Variants in DNAH6 observed in about 807,000 individuals in gnomAD.
DNAH6 encodes axonemal beta dynein heavy chain 6.
In DNAH6, 340 loss-of-function variants were observed where a neutral mutation model predicts 491.4. That is an observed-to-expected ratio of 0.69 (90% CI 0.63 to 0.76). The LOEUF is 0.76. Ranked by LOEUF, DNAH6 falls within the 30% of genes least tolerant of loss-of-function variation. The probability of loss-of-function intolerance (pLI) is 0.00; values close to 1 mark genes in which losing one functional copy is unlikely to be tolerated. For synonymous variants in DNAH6, 1,603 were observed against 1,686.1 expected, an observed-to-expected ratio of 0.95 and a Z score of 1.21; for missense variants, 4,443 against 4,972.2, an observed-to-expected ratio of 0.89 and a Z score of 3.20.
Position 84,813,979 on chromosome 2 carries a change from C to CA in DNAH6, c.12011dup (p.Asn4004LysfsTer12). The CA allele has an allele frequency of 1.3e-6, 2 of 1,551,698 alleles. No homozygotes were observed. Among genetic ancestry groups the CA allele is most frequent in the Non-Finnish European group, 1.7e-6 (2 of 1,146,964 alleles). ...GATTTTCACAATTACAGGAACTCTT[C>CA]AAAATCATGCTCGAAAATACAATTT... On this transcript the variant is annotated frameshift_variant, in exon 75 of 77. Transcript: ENST00000389394. LOFTEE classifies it high-confidence loss of function.
intron 14 of DNAH6, among the ~76,000 whole-genome samples, chr2:84,580,772 C>T (rs572323664): frequency 5.3e-5 from 8 of 151,736 alleles, no homozygotes; most frequent in African/African-American, 1.9e-4. Context: ...AACCCAAACC[C>T]ACTTGAGAAA....
chr2:84,726,934 A>G (rs1698694096), intron 60 of DNAH6, among the ~76,000 whole-genome samples: 2 of 152,170 alleles, frequency 1.3e-5, no homozygotes, highest in African/African-American at 2.4e-5. Flanking sequence ...CCTTTGTGGT[A>G]GTGATTCTCC....
chr2:84,672,933 G>A (rs150927986), intron 40 of DNAH6, among the ~76,000 whole-genome samples: 88 of 152,292 alleles, frequency 5.8e-4, no homozygotes, highest in African/African-American at 1.9e-3. Flanking sequence ...ATGTAATTCA[G>A]TGTATTCAGT....
chr2:84,714,218 C>T (rs959396365), intron 57 of DNAH6, among the ~76,000 whole-genome samples: 5 of 152,226 alleles, frequency 3.3e-5, no homozygotes, highest in African/African-American at 1.2e-4. Context: ...TTCCAAAGAG[C>T]GTCACTTTCA....
chr2:84,705,942 A>C (rs991317581), intron 52 of DNAH6, among the ~76,000 whole-genome samples, 195 bp downstream of exon 52: 1 of 152,188 alleles, frequency 6.6e-6, no homozygotes, highest in African/African-American at 2.4e-5. Context: ...TTCTTTCAGC[A>C]TAAGAGGAAC....
intron 70 of DNAH6, among the ~76,000 whole-genome samples, chr2:84,797,973 C>G (rs144755879): frequency 6.6e-6 from 1 of 152,258 alleles, no homozygotes; most frequent in African/African-American, 2.4e-5. Context: ...TAATATAACC[C>G]TCTCCCTTTG....
rs1195167455 is a variant in DNAH6, at chr2:84,796,396, T to C, written c.11330T>C (p.Leu3777Ser). 6.5e-6 allele frequency: 10 copies of C among 1,528,300 alleles called. No homozygotes were observed. Among genetic ancestry groups the C allele is most frequent in the Non-Finnish European group, 8.8e-6 (10 of 1,131,744 alleles). 94.7% of individuals were successfully genotyped at this position (1,528,300 alleles called of 1,614,324 possible). A position where few individuals can be genotyped will look rare whatever the true frequency, so the allele number is the denominator to read the frequency against. The change falls in exon 69 of 77, where the codon TTA (leucine) becomes TCA (serine). Residue 3777 changes from leucine (L) to serine (S), a missense_variant. Physicochemically the swap from Leu to Ser is moderately radical, Grantham distance 145. This residue lies in a region of DNAH6 where 1,463 missense variants were observed against 1,656.6 expected (regional missense o/e 0.88). Coordinates refer to ENST00000389394, the MANE Select transcript of DNAH6 (RefSeq NM_001370.2). ...AAAAGATTTTTTTCTCCTGAAACAT[T>C]AGAAGAAGATTATAAATACTCTGAA... is the stretch of plus-strand genomic sequence containing the variant. ...ILKRFFSPET[L>S]EEDYKYSESG...
intron 33 of DNAH6, among the ~76,000 whole-genome samples, chr2:84,649,030 A>G (rs186661104): frequency 4.6e-5 from 7 of 152,366 alleles, no homozygotes; most frequent in African/African-American, 1.7e-4. Flanking sequence ...GCAGCTATCA[A>G]CATTGAGGTA....
chr2:84,721,909 G>A (rs542142195), intron 59 of DNAH6, among the ~76,000 whole-genome samples: 1 of 152,192 alleles, frequency 6.6e-6, no homozygotes, highest in Non-Finnish European at 1.5e-5. Flanking sequence ...GAAAAACAGT[G>A]GGGGAAGAGA....
At chr2:84,694,615 A>G in intron 46 of DNAH6, 135 bp downstream of exon 46, 1 of 625,088 alleles carries the variant, frequency 1.6e-6, no homozygotes, top group Non-Finnish European at 2.8e-6. Context: ...GCAGCTTGTA[A>G]AAGACTTTTA....
intron 68 of DNAH6, among the ~76,000 whole-genome samples, chr2:84,795,015 C>A (rs1317133429): frequency 6.7e-6 from 1 of 149,726 alleles, no homozygotes; most frequent in African/African-American, 2.5e-5. Flanking sequence ...ATGATGAGTT[C>A]ATGTCCTTTG....
At chr2:84,761,080 A>G (rs968446715) in intron 63 of DNAH6, among the ~76,000 whole-genome samples, 7 of 152,222 alleles carry the variant, frequency 4.6e-5, no homozygotes, top group South Asian at 2.1e-4. Flanking sequence ...ATGTCCATCA[A>G]TGGATGACTG....
chr2:84,808,564 A>G, intron 72 of DNAH6, 22 bp downstream of exon 72: 4 of 1,550,060 alleles, frequency 2.6e-6, no homozygotes, highest in Non-Finnish European at 3.5e-6. Context: ...TACTTTCATC[A>G]TTGCTATTGA....
intron 23 of DNAH6, among the ~76,000 whole-genome samples, chr2:84,619,109 T>C (rs1207683349): frequency 6.6e-6 from 1 of 152,194 alleles, no homozygotes; most frequent in Admixed American, 6.5e-5. Flanking sequence ...TCTACATAGG[T>C]ATAGCCTCAC....
intron 24 of DNAH6, among the ~76,000 whole-genome samples, chr2:84,620,424 A>G (rs931313899): frequency 3.3e-5 from 5 of 152,182 alleles, no homozygotes; most frequent in Non-Finnish European, 5.9e-5. Flanking sequence ...TATGGGGAAC[A>G]CCAAGAGAGT....
chr2:84,615,424 T>C (rs191787966), intron 22 of DNAH6, among the ~76,000 whole-genome samples: 12 of 152,300 alleles, frequency 7.9e-5, no homozygotes, highest in Admixed American at 1.3e-4. Context: ...CCATGCTGTT[T>C]TGGTGACTAT....
chr2:84,730,177 A>G (rs1200438447), intron 61 of DNAH6, among the ~76,000 whole-genome samples: 1 of 152,210 alleles, frequency 6.6e-6, no homozygotes, highest in Non-Finnish European at 1.5e-5. Flanking sequence ...AGAAGGTGGC[A>G]ACAACAACAA....
chr2:84,580,316 GCACACACACACACACA>G (rs36209367), intron 14 of DNAH6, among the ~76,000 whole-genome samples: 6 of 149,286 alleles, frequency 4.0e-5, no homozygotes, highest in Non-Finnish European at 7.4e-5. Flanking sequence ...ACATACACAC[GCACACACACACACACA>G]CACACACACA....
chr2:84,806,438 T>G lies in DNAH6; in HGVS notation c.11611+644T>G, dbSNP rs565549223. 9.0e-4 allele frequency among the ~76,000 whole-genome samples: 136 copies of G among 151,904 alleles called. 3 individuals are homozygous for G. Among genetic ancestry groups the G allele is most frequent in the Non-Finnish European group, 8.2e-4 (56 of 67,984 alleles). On this transcript the variant is annotated intron_variant, in intron 71 of 76. Transcript: ENST00000389394. ...ATCAAGACTATCCTGGCTAACACGGTGAAACCCCATCTCTACTAAAAATAC... is the reference window on the plus strand; with the variant it reads ...ATCAAGACTATCCTGGCTAACACGGGGAAACCCCATCTCTACTAAAAATAC...
Sources: allele counts gnomAD v4.1 joint callset (sites outside exome capture counted in the v4.1 genomes callset), GRCh38; gene constraint gnomAD v4.1.1; regional missense constraint gnomAD v4.1.1; transcripts MANE v1.5; gene names NCBI Gene and HGNC (gene_info 2026-07-23, HGNC 2026-07-21).